Variants in MARCHF1 observed in about 807,000 individuals in gnomAD.
The protein encoded by MARCHF1 is membrane associated ring-CH-type finger 1.
A neutral mutation model predicts 54.2 loss-of-function variants in MARCHF1; 40 were observed. The ratio of observed to expected loss-of-function variants is 0.74; its 90% CI spans 0.57 to 0.96. The LOEUF (loss-of-function observed/expected upper bound fraction) is 0.96. Among genes scored for constraint, MARCHF1 ranks in the 40% least tolerant of loss-of-function variants. MARCHF1 has a pLI of 0.00. For missense variants in MARCHF1, 586 were observed against 656.5 expected, an observed-to-expected ratio of 0.89 and a Z score of 1.17; for synonymous variants, 236 against 236.3, an observed-to-expected ratio of 1.00 and a Z score of 0.01.
At chr4:163,684,896 A>G (rs974278197) in intron 5 of MARCHF1, among the ~76,000 whole-genome samples, 7 of 152,244 alleles carry the variant, frequency 4.6e-5, no homozygotes, top group Admixed American at 6.5e-5. Context: ...TTATTCAGCT[A>G]TCCATCCCTT....
intron 1 of MARCHF1, among the ~76,000 whole-genome samples, chr4:164,260,659 T>C (rs9993689): frequency 0.12 from 17,706 of 152,228 alleles, 1,622 homozygotes; most frequent in African/African-American, 0.25. Context: ...GAGTACACAA[T>C]TGTGACTATT....
intron 3 of MARCHF1, among the ~76,000 whole-genome samples, chr4:163,898,362 A>T (rs1032469662): frequency 3.3e-5 from 5 of 152,122 alleles, no homozygotes; most frequent in African/African-American, 1.2e-4. Flanking sequence ...ACCACTAAAA[A>T]CTGGGCAAAT....
chr4:163,560,584 G>A (rs868401605), intron 8 of MARCHF1, among the ~76,000 whole-genome samples: 2 of 152,028 alleles, frequency 1.3e-5, no homozygotes, highest in Admixed American at 6.6e-5. Flanking sequence ...TATTGGTATG[G>A]TAGTGAATCT....
intron 1 of MARCHF1, among the ~76,000 whole-genome samples, chr4:164,290,973 T>C (rs1410053840): frequency 2.0e-5 from 3 of 151,938 alleles, no homozygotes; most frequent in African/African-American, 7.2e-5. Flanking sequence ...TTTCTTAATT[T>C]ATTCATTTTA....
chr4:163,643,968 T>C (rs1742658895), intron 5 of MARCHF1, among the ~76,000 whole-genome samples: 1 of 152,130 alleles, frequency 6.6e-6, no homozygotes, highest in African/African-American at 2.4e-5. Flanking sequence ...TGTGTAATTG[T>C]TTTCCTATGC....
intron 1 of MARCHF1, among the ~76,000 whole-genome samples, chr4:164,248,600 A>G (rs1733029202): frequency 6.6e-6 from 1 of 152,068 alleles, no homozygotes; most frequent in Non-Finnish European, 1.5e-5. Context: ...ATTCTTTTGT[A>G]TGTTCACAGG....
At chr4:163,624,144 G>C (rs1343346554) in intron 5 of MARCHF1, among the ~76,000 whole-genome samples, 8 of 152,162 alleles carry the variant, frequency 5.3e-5, no homozygotes, top group African/African-American at 1.9e-4. Flanking sequence ...GTTGTTAACT[G>C]TTCCAAGGCT....
intron 5 of MARCHF1, among the ~76,000 whole-genome samples, chr4:163,662,422 A>G (rs1439758854): frequency 6.6e-6 from 1 of 151,816 alleles, no homozygotes; most frequent in Non-Finnish European, 1.5e-5. Flanking sequence ...TTTTTGTCAT[A>G]CTTTCTGGAA....
chr4:164,211,150 A>G (rs1731758030), intron 1 of MARCHF1, among the ~76,000 whole-genome samples: 1 of 151,966 alleles, frequency 6.6e-6, no homozygotes. Context: ...ACAGAGAATG[A>G]TGATCATAGT....
chr4:163,991,775 C>A (rs1752970966), intron 2 of MARCHF1, among the ~76,000 whole-genome samples: 1 of 152,176 alleles, frequency 6.6e-6, no homozygotes, highest in African/African-American at 2.4e-5. Flanking sequence ...TCACTCTTCA[C>A]TGACTACTTT....
At chr4:163,987,680 G>C (rs1752896516) in intron 3 of MARCHF1, among the ~76,000 whole-genome samples, 1 of 152,178 alleles carries the variant, frequency 6.6e-6, no homozygotes, top group Admixed American at 6.5e-5. Context: ...GAAGATTACA[G>C]TTTCCGGCAT....
chr4:164,245,188 A>G (rs922444956), intron 1 of MARCHF1, among the ~76,000 whole-genome samples: 15 of 152,352 alleles, frequency 9.8e-5, no homozygotes, highest in African/African-American at 3.6e-4. Context: ...TCCTTGATGA[A>G]CATTGATGCA....
intron 2 of MARCHF1, among the ~76,000 whole-genome samples, chr4:164,040,006 A>G (rs1489044805): frequency 6.8e-6 from 1 of 147,266 alleles, no homozygotes; most frequent in East Asian, 2.0e-4. Flanking sequence ...GCTTGTATAT[A>G]TAATATATAT....
chr4:163,760,957 C>T (rs1746810566), intron 4 of MARCHF1, among the ~76,000 whole-genome samples: 2 of 152,054 alleles, frequency 1.3e-5, no homozygotes, highest in Non-Finnish European at 2.9e-5. Flanking sequence ...CACGATTAGT[C>T]CAACTCCAAG....
intron 1 of MARCHF1, among the ~76,000 whole-genome samples, chr4:164,167,250 A>G (rs1298480776): frequency 1.3e-5 from 2 of 151,784 alleles, no homozygotes. Flanking sequence ...TCTTGACCAT[A>G]GTGAGATATT....
chr4:164,297,304 T>C (rs990892519), intron 1 of MARCHF1, among the ~76,000 whole-genome samples: 7 of 152,160 alleles, frequency 4.6e-5, no homozygotes, highest in African/African-American at 1.7e-4. Context: ...GGTAACTTCA[T>C]AGTGGAGAAA....
chr4:163,645,128 CTTCAGACTCAA>C (rs1421264763), intron 5 of MARCHF1, among the ~76,000 whole-genome samples: 1 of 152,132 alleles, frequency 6.6e-6, no homozygotes, highest in East Asian at 1.9e-4. Flanking sequence ...GGCCCATTGT[CTTCAGACTCAA>C]AAGTGGACCC....
At chr4:163,825,404 A>G (rs776403057) in intron 4 of MARCHF1, among the ~76,000 whole-genome samples, 1 of 152,016 alleles carries the variant, frequency 6.6e-6, no homozygotes, top group Non-Finnish European at 1.5e-5. Context: ...TCATGAACAT[A>G]CACATGTATG....
At chr4:164,163,564 A>G (rs2110949794) in intron 1 of MARCHF1, among the ~76,000 whole-genome samples, 1 of 152,146 alleles carries the variant, frequency 6.6e-6, no homozygotes, top group East Asian at 1.9e-4. Context: ...ATTAATATAA[A>G]AAAGACAGGA....
Sources: allele counts gnomAD v4.1 joint callset (sites outside exome capture counted in the v4.1 genomes callset), GRCh38; gene constraint gnomAD v4.1.1; transcripts MANE v1.5; gene names NCBI Gene and HGNC (gene_info 2026-07-23, HGNC 2026-07-21).